Variants in ERI1 observed in about 807,000 individuals in gnomAD.
ERI1 encodes 3'-5' exoribonuclease 1.
Under a neutral mutation model 39.7 loss-of-function variants are expected in ERI1, and 39 were observed. That is an observed-to-expected ratio of 0.98 (90% CI 0.76 to 1.28). The LOEUF is 1.28. Ranked by LOEUF, ERI1 falls within the 50% of genes most tolerant of loss-of-function variation. ERI1 has a pLI of 0.00. For missense variants in ERI1, 581 were observed against 416.9 expected, an observed-to-expected ratio of 1.39 and a Z score of -3.43; for synonymous variants, 204 against 149.6, an observed-to-expected ratio of 1.36 and a Z score of -2.65.
intron 3 of ERI1, among the ~76,000 whole-genome samples, chr8:9,012,918 A>G (rs4841083): frequency 0.44 from 60,043 of 136,984 alleles, 13,897 homozygotes; most frequent in East Asian, 0.68. Context: ...ATAACCTTCA[A>G]TAAAGTTTAA....
chr8:9,051,278 C>T (rs1003319604), intron 3 of ERI1, among the ~76,000 whole-genome samples: 5 of 151,950 alleles, frequency 3.3e-5, no homozygotes, highest in Non-Finnish European at 5.9e-5. Flanking sequence ...GGTGGGGACT[C>T]TGTGGAGTCC....
intron 3 of ERI1, among the ~76,000 whole-genome samples, chr8:9,055,036 A>G (rs949933314): frequency 1.3e-5 from 2 of 152,236 alleles, no homozygotes; most frequent in African/African-American, 4.8e-5. Context: ...TACATTTAAC[A>G]GAGTTTAATT....
In ERI1 at chr8:9,031,854, C is replaced by G. The variant is rs913228082; in HGVS notation, c.*1820C>G. ...CTCACTGCAACCTCCGCCTCCTGGG[C>G]TCAGGTGATCCTCTTGCCTCAGCCT... is the stretch of plus-strand genomic sequence containing the variant. On this transcript the variant is annotated 3_prime_UTR_variant, in exon 7 of 7. Transcript: ENST00000250263. 4.6e-5 allele frequency: 7 copies of G among 152,184 alleles called. No individual in the cohort carries two copies. Among genetic ancestry groups the G allele is most frequent in the African/African-American group, 1.7e-4 (7 of 41,412 alleles). The allele number at this position is 152,184 out of a possible 1,614,324, so 9.4% of individuals were successfully genotyped here.
chr8:9,086,834 G>A (rs959265195), intron 3 of ERI1, among the ~76,000 whole-genome samples: 1 of 152,156 alleles, frequency 6.6e-6, no homozygotes, highest in African/African-American at 2.4e-5. Context: ...GACTGAGCAA[G>A]AGTGTCAAAC....
intron 3 of ERI1, among the ~76,000 whole-genome samples, chr8:9,051,343 A>C (rs1798349585): frequency 6.6e-6 from 1 of 151,870 alleles, no homozygotes; most frequent in Admixed American, 6.6e-5. Context: ...AACATGCTCA[A>C]ATTGGAGGTG....
In ERI1 at chr8:9,029,983, CT is replaced by C; in HGVS notation, c.1001del (p.Leu334TyrfsTer3). 1 of 1,614,062 alleles carries C rather than the reference CT, an allele frequency of 6.2e-7. No homozygotes were observed. Among genetic ancestry groups the C allele is most frequent in the East Asian group, 2.2e-5 (1 of 44,868 alleles). ...AGQLMSVSSS[L>X]PIEGTPPPQM... Reference sequence around the variant, plus strand: ...GACAGCTAATGAGTGTGTCCTCTTCCTTACCAATAGAGGGCACTCCACCACC... The same window carrying C: ...GACAGCTAATGAGTGTGTCCTCTTCCTACCAATAGAGGGCACTCCACCACC... On this transcript the variant is annotated frameshift_variant, in exon 7 of 7. Transcript: ENST00000250263. LOFTEE classifies it high-confidence loss of function.
intron 6 of ERI1, among the ~76,000 whole-genome samples, chr8:9,022,921 A>G (rs1414126906): frequency 1.3e-5 from 2 of 152,224 alleles, no homozygotes; most frequent in African/African-American, 4.8e-5. Context: ...TCTGATCTGT[A>G]AAAATTTCAT....
chr8:9,095,079 C>A (rs559570299), intron 3 of ERI1, among the ~76,000 whole-genome samples: 1 of 152,264 alleles, frequency 6.6e-6, no homozygotes, highest in Non-Finnish European at 1.5e-5. Context: ...CCATCAGCTG[C>A]AAGATGAGGA....
intron 6 of ERI1, among the ~76,000 whole-genome samples, chr8:9,022,815 A>T (rs1189876765): frequency 2.6e-5 from 4 of 152,222 alleles, no homozygotes; most frequent in African/African-American, 9.6e-5. Flanking sequence ...ACCCAGGTTC[A>T]ACAATTAGAA....
intron 3 of ERI1, among the ~76,000 whole-genome samples, chr8:9,085,875 T>TTAA (rs1259489712): frequency 6.6e-6 from 1 of 152,160 alleles, no homozygotes; most frequent in Admixed American, 6.5e-5. Context: ...TTCTAACTTG[T>TTAA]TAATGGCAGT....
At chr8:9,024,041 C>A (rs1022379644) in intron 6 of ERI1, among the ~76,000 whole-genome samples, 1 of 152,002 alleles carries the variant, frequency 6.6e-6, no homozygotes, top group African/African-American at 2.4e-5. Context: ...ACCTTGTGAT[C>A]CGCACACCTT....
chr8:9,048,423 TAAG>T (rs752861692), intron 3 of ERI1: 119 of 154,478 alleles, frequency 7.7e-4, no homozygotes, highest in Middle Eastern at 1.6e-3. Context: ...AAAACGTCCT[TAAG>T]AAGAAGAAAG....
Position 9,098,052 on chromosome 8 carries a change from T to G in ERI1, n.300-18296T>G, listed in dbSNP as rs143634346. On this transcript the variant is annotated intron_variant and non_coding_transcript_variant, in intron 3 of 3. Coordinates refer to the ERI1 transcript ENST00000518663. ...ACCAAACATCGCATGTTCTCACTCC[T>G]AAGTGGGAGCTAAGCTATGAGGATG... 2.9e-3 allele frequency among the ~76,000 whole-genome samples: 448 copies of G among 152,312 alleles called. 2 individuals carry two copies. Among genetic ancestry groups the G allele is most frequent in the African/African-American group, 0.01 (436 of 41,564 alleles).
At chr8:9,033,586 C>T (rs1422841538), downstream of ERI1, among the ~76,000 whole-genome samples, 2 of 152,022 alleles carry the variant, frequency 1.3e-5, no homozygotes, top group Admixed American at 6.5e-5. Context: ...ATGATACTTG[C>T]ATCAGACATT....
chr8:9,071,818 C>G lies in ERI1; in HGVS notation n.300-44530C>G, dbSNP rs186037247. Reference sequence around the variant, plus strand: ...CAGTGGCTCATGCCTGTAATCCCAGCATTTTGGGAGACCAAGGTGGGAGGA... The same window carrying G: ...CAGTGGCTCATGCCTGTAATCCCAGGATTTTGGGAGACCAAGGTGGGAGGA... On this transcript the variant is annotated intron_variant and non_coding_transcript_variant, in intron 3 of 3. Transcript: ENST00000518663. Among the ~76,000 whole-genome samples, 399 of 152,328 alleles carry G rather than the reference C, an allele frequency of 2.6e-3. 1 individual carries two copies. The highest frequency in any genetic ancestry group is 4.5e-3 in the Non-Finnish European group (304 of 68,038).
rs1797658776 is a variant in ERI1, at chr8:9,032,508, C to G, written c.*2474C>G. On this transcript the variant is annotated 3_prime_UTR_variant, in exon 7 of 7. Transcript: ENST00000250263. ...TGAAAAAAATGTTTTTGTGATGTGT[C>G]TTTGTTGCCTTGAGATAGATCCATT... The G allele has an allele frequency of 6.6e-6, 1 of 152,026 alleles. No individual in the cohort carries two copies. The highest frequency in any genetic ancestry group is 2.4e-5 in the African/African-American group (1 of 41,366). The allele number at this position is 152,026 out of a possible 1,614,324, so 9.4% of individuals were successfully genotyped here.
Position 9,029,789 on chromosome 8 carries a change from C to T in ERI1, c.808-3C>T. 1.2e-6 allele frequency: 2 copies of T among 1,613,954 alleles called. No individual in the cohort carries two copies. Among genetic ancestry groups the T allele is most frequent in the Non-Finnish European group, 1.7e-6 (2 of 1,179,926 alleles). ...ATTATTTACTAAGCTGTTTATTTTT[C>T]AGGTTCCTAGAAGCCAAACCAAACT... On this transcript the variant is annotated splice_region_variant and splice_polypyrimidine_tract_variant and intron_variant, in intron 6 of 6. Transcript: ENST00000250263.
chr8:9,010,626 TTAATTA>T (rs1816565683), intron 2 of ERI1, among the ~76,000 whole-genome samples: 1 of 152,246 alleles, frequency 6.6e-6, no homozygotes, highest in Admixed American at 6.5e-5. Context: ...GCACTACACA[TTAATTA>T]TAATTTAGAT....
At chr8:9,066,023 C>T (rs112352743) in intron 3 of ERI1, among the ~76,000 whole-genome samples, 2,227 of 152,184 alleles carry the variant, frequency 0.015, 51 homozygotes, top group South Asian at 0.11. Flanking sequence ...TTTTCTGCTG[C>T]CTGGCTATCC....
Sources: gnomAD v4.1 joint callset for allele counts (sites outside exome capture counted in the v4.1 genomes callset) on GRCh38, gnomAD v4.1.1 for gene constraint, MANE v1.5 for transcripts, NCBI Gene and HGNC (gene_info 2026-07-23, HGNC 2026-07-21) for gene names.